RBM26: variants seen among roughly 807,000 people sequenced by gnomAD.
RBM26 encodes the protein RNA binding motif protein 26, also known as RNA-binding protein 26.
In RBM26, 30 loss-of-function variants were observed where a neutral mutation model predicts 123.6. The ratio of observed to expected loss-of-function variants is 0.24; its 90% CI spans 0.18 to 0.33. RBM26 has a LOEUF of 0.33. RBM26 is among the 10% of genes least tolerant of loss of function. The pLI is 1.00. For missense variants in RBM26, 947 were observed against 1,203.6 expected (o/e 0.79, Z 3.15); for synonymous variants, 400 against 404.4 (o/e 0.99, Z 0.13).
rs536769142 is a variant in RBM26, at chr13:79,392,106, A to G, written c.72-13199T>C. On this transcript the variant is annotated intron_variant, in intron 1 of 21. Transcript: ENST00000438737. ...ATAATTATATAATAATGTATTATAC[A>G]ATACATAATTATATAATTATATATT... Among the ~76,000 whole-genome samples the G allele has an allele frequency of 1.1e-3, 150 of 131,932 alleles. 4 individuals carry two copies. Among genetic ancestry groups the G allele is most frequent in the African/African-American group, 4.0e-3 (147 of 36,412 alleles). The allele number at this position is 131,932 out of a possible 152,430, so 86.6% of individuals were successfully genotyped here.
chr13:79,316,990 T>TA (rs200304387), downstream of RBM26, among the ~76,000 whole-genome samples: 28 of 151,006 alleles, frequency 1.9e-4, no homozygotes, highest in East Asian at 2.1e-3. Flanking sequence ...GTTTTTTTTT[T>TA]AAAAAAGAGT....
chr13:79,368,029 A>T (rs9318632), intron 6 of RBM26, among the ~76,000 whole-genome samples: 41 of 110,374 alleles, frequency 3.7e-4, no homozygotes, highest in South Asian at 2.4e-3. Context: ...TTATTTTTTT[A>T]TTTTTATTTT....
intron 20 of RBM26, among the ~76,000 whole-genome samples, chr13:79,325,137 G>A (rs887751778): frequency 6.6e-6 from 1 of 151,976 alleles, no homozygotes; most frequent in African/African-American, 2.4e-5. Context: ...ATAAAAGTAT[G>A]GCACGCACAA....
chr13:79,340,224 A>G (rs943291779), intron 18 of RBM26, among the ~76,000 whole-genome samples: 66 of 152,152 alleles, frequency 4.3e-4, no homozygotes, highest in African/African-American at 1.4e-3. Flanking sequence ...AAGTTTCCAG[A>G]GAATGCAAAG....
chr13:79,386,558 A>G (rs1230940441), intron 1 of RBM26, among the ~76,000 whole-genome samples: 1 of 146,694 alleles, frequency 6.8e-6, no homozygotes, highest in Non-Finnish European at 1.5e-5. Context: ...GGTTATAATT[A>G]TGGTTATACA....
intron 2 of RBM26, 113 bp from the exon 3 acceptor site, chr13:79,377,628 G>A: frequency 1.2e-6 from 1 of 868,358 alleles, no homozygotes; most frequent in Non-Finnish European, 1.7e-6. Context: ...TTATAAACTA[G>A]AAAATATACT....
rs2079496983 is a variant in RBM26 at position 79,405,981 on chromosome 13, C to T, written c.-207G>A. On this transcript the variant is annotated 5_prime_UTR_variant, in exon 1 of 22. Coordinates refer to ENST00000438737, the MANE Select transcript of RBM26 (RefSeq NM_001366735.2). Reference sequence around the variant, plus strand: ...AAGTGCACGGGGTGCCAGGAGCTCCCCGTCCCCGGCCCCCAGCCCGGGCTG... The same window carrying T: ...AAGTGCACGGGGTGCCAGGAGCTCCTCGTCCCCGGCCCCCAGCCCGGGCTG... 1 of 319,772 alleles carries T rather than the reference C, an allele frequency of 3.1e-6. No individual in the cohort carries two copies. Among genetic ancestry groups the T allele is most frequent in the African/African-American group, 2.2e-5 (1 of 45,900 alleles). 19.8% of individuals were successfully genotyped at this position (319,772 alleles called of 1,614,324 possible). A position where few individuals can be genotyped will look rare whatever the true frequency, so the allele number is the denominator to read the frequency against.
rs186691619 is a variant in RBM26 at position 79,339,085 on chromosome 13, A to G, written c.2533-1783T>C. 2.6e-3 allele frequency among the ~76,000 whole-genome samples: 391 copies of G among 152,308 alleles called. 2 individuals carry two copies. Among genetic ancestry groups the G allele is most frequent in the African/African-American group, 8.5e-3 (354 of 41,554 alleles). On this transcript the variant is annotated intron_variant, in intron 18 of 21. Transcript: ENST00000438737. ...CAGGTATTTCAGTTTCTGCATCTCAAGACAGTTAATCTTAGCATTAGCTAA... is the reference window on the plus strand; with the variant it reads ...CAGGTATTTCAGTTTCTGCATCTCAGGACAGTTAATCTTAGCATTAGCTAA...
At chr13:79,405,512 A>C (rs888313955) in intron 1 of RBM26, among the ~76,000 whole-genome samples, 192 bp downstream of exon 1, 33 of 151,802 alleles carry the variant, frequency 2.2e-4, no homozygotes, top group African/African-American at 7.7e-4. Context: ...AATAAAATAA[A>C]GCTCGACTCA....
chr13:79,378,311 C>A (rs1487316183), intron 2 of RBM26, among the ~76,000 whole-genome samples: 2 of 152,166 alleles, frequency 1.3e-5, no homozygotes, highest in African/African-American at 4.8e-5. Flanking sequence ...ATGGACATTA[C>A]TGAGAGGTGG....
At chr13:79,382,217 A>C (rs2077120194) in intron 1 of RBM26, among the ~76,000 whole-genome samples, 2 of 152,132 alleles carry the variant, frequency 1.3e-5, no homozygotes, top group Non-Finnish European at 2.9e-5. Flanking sequence ...AATTAAAAAA[A>C]CTATATTCAT....
At position 79,344,334 on chromosome 13, in the gene RBM26, G is replaced by T; in HGVS notation, c.2185-12C>A. The T allele has an allele frequency of 6.4e-7, 1 of 1,567,082 alleles. No homozygotes were observed. The highest frequency in any genetic ancestry group is 8.8e-7 in the Non-Finnish European group (1 of 1,138,368). ...AGTTTCAATGCCTCCTAGAATCAGG[G>T]ATCAAAAATATCATTAGAATATTAC... On this transcript the variant is annotated splice_polypyrimidine_tract_variant and intron_variant, in intron 15 of 21. Coordinates refer to ENST00000438737, the MANE Select transcript of RBM26 (RefSeq NM_001366735.2).
At chr13:79,362,703 A>G (rs1244855271) in intron 9 of RBM26, among the ~76,000 whole-genome samples, 7 of 152,124 alleles carry the variant, frequency 4.6e-5, no homozygotes, top group Non-Finnish European at 8.8e-5. Context: ...GACCTATCCA[A>G]CATCTTTTGT....
At chr13:79,395,070 A>C (rs1406424852) in intron 1 of RBM26, among the ~76,000 whole-genome samples, 2 of 151,974 alleles carry the variant, frequency 1.3e-5, no homozygotes, top group Admixed American at 1.3e-4. Flanking sequence ...GTGGCCTAAC[A>C]AAAAAAAGGC....
At chr13:79,336,580 G>C (rs1229056110) in intron 19 of RBM26, among the ~76,000 whole-genome samples, 1 of 152,134 alleles carries the variant, frequency 6.6e-6, no homozygotes, top group African/African-American at 2.4e-5. Flanking sequence ...GATTAACAGA[G>C]ACTAGAATCC....
At chr13:79,341,899 C>T (rs1233367650) in intron 17 of RBM26, among the ~76,000 whole-genome samples, 1 of 151,656 alleles carries the variant, frequency 6.6e-6, no homozygotes, top group Non-Finnish European at 1.5e-5. Flanking sequence ...AATTTTAGAC[C>T]ACAGTTCTGA....
At chr13:79,392,180 A>G (rs1310370117) in intron 1 of RBM26, among the ~76,000 whole-genome samples, 7 of 29,302 alleles carry the variant, frequency 2.4e-4, no homozygotes, top group African/African-American at 4.0e-4. Context: ...ACAATAATAC[A>G]TAATTATTAT....
At chr13:79,387,592 G>T (rs932552007) in intron 1 of RBM26, among the ~76,000 whole-genome samples, 1 of 148,426 alleles carries the variant, frequency 6.7e-6, no homozygotes, top group East Asian at 2.0e-4. Context: ...TGAACCATAC[G>T]ATCTGAAAAA....
chr13:79,342,546 C>T (rs2071591021), intron 17 of RBM26, 118 bp downstream of exon 17: 2 of 739,400 alleles, frequency 2.7e-6, no homozygotes, highest in Non-Finnish European at 4.5e-6. Context: ...GAGAATGGTA[C>T]ATACAATGGT....
Sources: allele counts gnomAD v4.1 joint callset (sites outside exome capture counted in the v4.1 genomes callset), GRCh38; gene constraint gnomAD v4.1.1; transcripts MANE v1.5; gene names NCBI Gene and HGNC (gene_info 2026-07-23, HGNC 2026-07-21).